The following CRACDL variants were observed in gnomAD, a reference collection of about 807,000 sequenced individuals.
The protein encoded by CRACDL is CRACD like.
A neutral mutation model predicts 70.6 loss-of-function variants in CRACDL; 26 were observed. That is an observed-to-expected ratio of 0.37 (90% CI 0.27 to 0.51). The LOEUF (loss-of-function observed/expected upper bound fraction) is 0.51, where lower values mean the gene tolerates loss of function less well. Ranked by LOEUF, CRACDL falls within the 20% of genes least tolerant of loss-of-function variation. CRACDL has a pLI of 0.94. For synonymous variants in CRACDL, 618 were observed against 615.2 expected (o/e 1.00, Z -0.07); for missense variants, 1,283 against 1,376.9 (o/e 0.93, Z 1.08).
intron 1 of CRACDL, among the ~76,000 whole-genome samples, chr2:98,893,370 G>A (rs901526223): frequency 6.6e-6 from 1 of 152,036 alleles, no homozygotes; most frequent in Non-Finnish European, 1.5e-5. Flanking sequence ...TACAAGCTCC[G>A]TCTCCTGGGT....
intron 1 of CRACDL, among the ~76,000 whole-genome samples, chr2:98,934,311 G>C (rs1229769037): frequency 6.7e-6 from 1 of 149,366 alleles, no homozygotes; most frequent in African/African-American, 2.5e-5. Context: ...CAATTCCCCT[G>C]CCTCGGCCTC....
Position 98,822,677 on chromosome 2 carries a change from T to A in CRACDL, c.1596A>T (p.Ala532=). ...PVEPGPGSLD[A]EAAAPERPKA... ...TGGGGCGCTCCGGGGCGGCGGCCTC[T>A]GCGTCGAGGGAACCGGGGCCGGGCT... The change falls in exon 7 of 10, where the codon GCA becomes GCT. Residue 532 remains alanine, a synonymous_variant. Coordinates refer to ENST00000397899, the MANE Select transcript of CRACDL (RefSeq NM_207362.3). This position sits in a 1 kb window ranked among gnomAD's most constrained non-coding sequence, Gnocchi z 4.9. 7.9e-7 allele frequency: 1 copy of A among 1,272,780 alleles called. No homozygotes were observed. The highest frequency in any genetic ancestry group is 9.9e-7 in the Non-Finnish European group (1 of 1,012,764). The allele number at this position is 1,272,780 out of a possible 1,614,324, so 78.8% of individuals were successfully genotyped here.
In CRACDL at chr2:98,794,422, T is replaced by C. The variant is rs1703714668; in HGVS notation, c.*110A>G. On this transcript the variant is annotated 3_prime_UTR_variant, in exon 10 of 10. Transcript: ENST00000397899. ...CTTCCCCAAGTTCGTCATAACTTGA[T>C]GATAAAATCAATCTTTAAGTTTCAC... The C allele has an allele frequency of 8.8e-6, 9 of 1,020,772 alleles. No homozygotes were observed. The highest frequency in any genetic ancestry group is 1.3e-5 in the Non-Finnish European group (9 of 679,524). The allele number at this position is 1,020,772 out of a possible 1,614,324, so 63.2% of individuals were successfully genotyped here. A position where few individuals can be genotyped will look rare whatever the true frequency, so the allele number is the denominator to read the frequency against.
chr2:98,861,269 C>T (rs532866930), intron 1 of CRACDL, among the ~76,000 whole-genome samples: 21 of 152,220 alleles, frequency 1.4e-4, no homozygotes, highest in African/African-American at 5.1e-4. Flanking sequence ...ATCGCTTGAA[C>T]CTGGGAGGTG....
rs914378519 is a variant in CRACDL at position 98,867,029 on chromosome 2, C to G, written c.-10-20219G>C. Among the ~76,000 whole-genome samples, 5 of 152,220 alleles carry G rather than the reference C, an allele frequency of 3.3e-5. No individual in the cohort carries two copies. In the East Asian group the frequency reaches 9.7e-4, roughly 29 times the overall value. ...AGCAGAGGAGGCCCCTGCTTAGAGG[C>G]CTGGTTTACTTCCCCAGGCTTCCCC... is the stretch of plus-strand genomic sequence containing the variant. On this transcript the variant is annotated intron_variant, in intron 1 of 9. Coordinates refer to ENST00000397899, the MANE Select transcript of CRACDL (RefSeq NM_207362.3).
chr2:98,800,514 G>T (rs1340611278), intron 7 of CRACDL, among the ~76,000 whole-genome samples: 1 of 152,138 alleles, frequency 6.6e-6, no homozygotes, highest in Non-Finnish European at 1.5e-5. Flanking sequence ...AGCTAGGAGG[G>T]AGGCTGTGGC....
chr2:98,853,021 G>A (rs1376108570), intron 1 of CRACDL, among the ~76,000 whole-genome samples: 2 of 127,758 alleles, frequency 1.6e-5, no homozygotes, highest in Non-Finnish European at 3.3e-5. Flanking sequence ...GGGAGGGGAA[G>A]GGAAGGGAAA....
rs1159245232 is a variant in CRACDL at position 98,797,550 on chromosome 2, G to T, written c.2417-13C>A. Reference sequence around the variant, plus strand: ...GGCAGACTCTTTTCTGTTGGGTAAAGGCACAAGATTATAGAAACAGTCCTA... The same window carrying T: ...GGCAGACTCTTTTCTGTTGGGTAAATGCACAAGATTATAGAAACAGTCCTA... On this transcript the variant is annotated splice_polypyrimidine_tract_variant and intron_variant, in intron 7 of 9. Coordinates refer to ENST00000397899, the MANE Select transcript of CRACDL (RefSeq NM_207362.3). 2 of 1,612,574 alleles carry T rather than the reference G, an allele frequency of 1.2e-6. No homozygotes were observed. Among genetic ancestry groups the T allele is most frequent in the Non-Finnish European group, 1.7e-6 (2 of 1,179,762 alleles).
intron 1 of CRACDL, among the ~76,000 whole-genome samples, chr2:98,933,742 G>A (rs1177994950): frequency 6.6e-6 from 1 of 152,196 alleles, no homozygotes; most frequent in Non-Finnish European, 1.5e-5. Flanking sequence ...CCCTCCTGGA[G>A]GCCTGGTACC....
chr2:98,821,851 T>G lies in CRACDL; in HGVS notation c.2416+6A>C. The G allele has an allele frequency of 7.5e-6, 12 of 1,607,248 alleles. No individual in the cohort carries two copies. The highest frequency in any genetic ancestry group is 8.5e-6 in the Non-Finnish European group (10 of 1,178,750). On this transcript the variant is annotated splice_donor_region_variant and intron_variant, in intron 7 of 9. Coordinates refer to ENST00000397899, the MANE Select transcript of CRACDL (RefSeq NM_207362.3). The stretch of plus-strand genomic sequence containing the variant: ...TGCCCTTCCCGCACCCTCGGCGGGC[T>G]CTTACCAGCTCCCCTGCGCAGCGGC...
intron 1 of CRACDL, among the ~76,000 whole-genome samples, chr2:98,884,330 C>T (rs1707743165): frequency 6.6e-6 from 1 of 152,186 alleles, no homozygotes; most frequent in Non-Finnish European, 1.5e-5. Context: ...AGGGCAATAG[C>T]CAGATATTGC....
At chr2:98,908,895 T>A (rs1708479408) in intron 1 of CRACDL, among the ~76,000 whole-genome samples, 1 of 152,114 alleles carries the variant, frequency 6.6e-6, no homozygotes, top group African/African-American at 2.4e-5. Context: ...CTAGCCAGAG[T>A]CCCTATATTT....
chr2:98,915,300 GC>G (rs1018093061), intron 1 of CRACDL, among the ~76,000 whole-genome samples: 1 of 152,246 alleles, frequency 6.6e-6, no homozygotes, highest in Admixed American at 6.5e-5. Flanking sequence ...CTCCCTTTCA[GC>G]CCTGGAGGCA....
intron 1 of CRACDL, among the ~76,000 whole-genome samples, chr2:98,928,360 G>A (rs1463867238): frequency 6.6e-6 from 1 of 152,178 alleles, no homozygotes; most frequent in African/African-American, 2.4e-5. Context: ...ATCCGCTCCT[G>A]TTCCGCCCCC....
At chr2:98,872,460 AG>A (rs967929333) in intron 1 of CRACDL, among the ~76,000 whole-genome samples, 2 of 152,236 alleles carry the variant, frequency 1.3e-5, no homozygotes, top group Admixed American at 1.3e-4. Flanking sequence ...GGACTTCAAA[AG>A]GGGGAGGGTG....
chr2:98,853,574 G>A (rs1706568381), intron 1 of CRACDL, among the ~76,000 whole-genome samples: 1 of 152,122 alleles, frequency 6.6e-6, no homozygotes, highest in Non-Finnish European at 1.5e-5. Flanking sequence ...GAAATTGAAA[G>A]CTATAGAAAG....
At chr2:98,900,414 A>G (rs111385653) in intron 1 of CRACDL, among the ~76,000 whole-genome samples, 1 of 145,054 alleles carries the variant, frequency 6.9e-6, no homozygotes, top group Admixed American at 6.8e-5. Flanking sequence ...GGGAGGCAGG[A>G]GGATGGAGGC....
At chr2:98,923,433 C>T (rs528705236) in intron 1 of CRACDL, among the ~76,000 whole-genome samples, 34 of 152,214 alleles carry the variant, frequency 2.2e-4, no homozygotes, top group South Asian at 1.2e-3. Flanking sequence ...GCTGTGGTCC[C>T]AGGACACCCC....
intron 1 of CRACDL, among the ~76,000 whole-genome samples, chr2:98,847,901 C>T (rs559127746): frequency 3.9e-5 from 6 of 152,270 alleles, no homozygotes; most frequent in African/African-American, 1.4e-4. Context: ...GGGTGTGTGC[C>T]CGAGTTGGCT....
Sources: gnomAD v4.1 joint callset for allele counts (sites outside exome capture counted in the v4.1 genomes callset) on GRCh38, gnomAD v4.1.1 for gene constraint, Gnocchi (gnomAD v3.1) non-coding constraint, MANE v1.5 for transcripts, NCBI Gene and HGNC (gene_info 2026-07-23, HGNC 2026-07-21) for gene names.